The following TUSC3 variants were observed in gnomAD, a reference collection of about 807,000 sequenced individuals.
The protein encoded by TUSC3 is tumor suppressor candidate 3, also known as dolichyl-diphosphooligosaccharide--protein glycosyltransferase subunit TUSC3.
TUSC3 carries 45 observed loss-of-function variants against 44.8 expected under a neutral mutation model. The ratio of observed to expected loss-of-function variants is 1.00; its 90% CI spans 0.79 to 1.29. The LOEUF (loss-of-function observed/expected upper bound fraction) is 1.29, where lower values mean the gene tolerates loss of function less well. Ranked by LOEUF, TUSC3 falls within the 50% of genes most tolerant of loss-of-function variation. The pLI is 0.00. For synonymous variants in TUSC3, 212 were observed against 152.9 expected (o/e 1.39, Z -2.85); for missense variants, 519 against 437.9 (o/e 1.19, Z -1.65).
intron 1 of TUSC3, among the ~76,000 whole-genome samples, chr8:15,452,270 C>G (rs1344317638): frequency 1.3e-5 from 2 of 152,172 alleles, no homozygotes; most frequent in East Asian, 1.9e-4. Context: ...ACTTCCTCCT[C>G]TTTCTAAACC....
chr8:15,595,843 A>T (rs948955009), intron 1 of TUSC3, among the ~76,000 whole-genome samples: 1 of 152,220 alleles, frequency 6.6e-6, no homozygotes, highest in Non-Finnish European at 1.5e-5. Context: ...TTTTTGTCTT[A>T]CAAGTTGTAC....
chr8:15,521,267 C>G (rs555139540), intron 2 of TUSC3, among the ~76,000 whole-genome samples: 6 of 152,258 alleles, frequency 3.9e-5, no homozygotes, highest in African/African-American at 1.4e-4. Context: ...TGATCCTCGG[C>G]TGGGTAGCAT....
chr8:15,762,239 G>C (rs1253920531), intron 10 of TUSC3, among the ~76,000 whole-genome samples: 2 of 151,844 alleles, frequency 1.3e-5, no homozygotes, highest in African/African-American at 4.8e-5. Flanking sequence ...GAAAATGATA[G>C]TTTTGAAAAT....
intron 1 of TUSC3, among the ~76,000 whole-genome samples, chr8:15,547,612 T>C (rs773620132): frequency 7.9e-5 from 12 of 151,410 alleles, no homozygotes; most frequent in Non-Finnish European, 1.2e-4. Flanking sequence ...TGAATGTTTA[T>C]GTTCCCACAA....
rs185110404 is a variant in TUSC3 at position 15,619,085 on chromosome 8, C to G, written c.139-3995C>G. Among the ~76,000 whole-genome samples, 7 of 152,252 alleles carry G rather than the reference C, an allele frequency of 4.6e-5. No individual in the cohort carries two copies. In the East Asian group the frequency reaches 1.3e-3, roughly 29 times the overall value. ...AGAAATTATTAAAAGTAGTTTGATA[C>G]TTAAAATTCAAAGAAAAATCGTTTT... On this transcript the variant is annotated intron_variant, in intron 1 of 10. Transcript: ENST00000503731.
At chr8:15,448,117 A>ATATATATATATTTATT (rs1276079521) in intron 1 of TUSC3, among the ~76,000 whole-genome samples, 3 of 93,780 alleles carry the variant, frequency 3.2e-5, no homozygotes, top group African/African-American at 1.3e-4. Flanking sequence ...ACATATATAT[A>ATATATATATATTTATT]TATTTATTTA....
the TUSC3 span, among the ~76,000 whole-genome samples, chr8:15,809,153 G>A: frequency 6.2e-4 from 95 of 152,170 alleles, no homozygotes; most frequent in African/African-American, 2.2e-3. Flanking sequence ...TTATGTCAAC[G>A]GCAGGAGGAA....
At chr8:15,521,617 C>T (rs1360088558) in intron 2 of TUSC3, among the ~76,000 whole-genome samples, 1 of 151,876 alleles carries the variant, frequency 6.6e-6, no homozygotes. Context: ...TAATTACCCC[C>T]CCCAAAAAAA....
Position 15,491,429 on chromosome 8 carries a change from G to C in TUSC3, n.189+7946G>C, listed in dbSNP as rs371531659. ...TTTTCCCTTTGGCTTAGTGAGTTCAGGATCCCAATTTTTTTTTTTCCTTTC... is the reference window on the plus strand; with the variant it reads ...TTTTCCCTTTGGCTTAGTGAGTTCACGATCCCAATTTTTTTTTTTCCTTTC... On this transcript the variant is annotated intron_variant and non_coding_transcript_variant, in intron 2 of 5. Coordinates refer to the TUSC3 transcript ENST00000503191. 5.7e-4 allele frequency among the ~76,000 whole-genome samples: 86 copies of C among 152,164 alleles called. 1 individual carries two copies. In the South Asian group the frequency reaches 0.017, roughly 29 times the overall value.
intron 2 of TUSC3, among the ~76,000 whole-genome samples, chr8:15,508,957 A>G (rs988690795): frequency 6.6e-6 from 1 of 152,226 alleles, no homozygotes; most frequent in African/African-American, 2.4e-5. Flanking sequence ...AGAAAGTTAT[A>G]TAACTGTCTC....
chr8:15,719,404 A>G (rs989965465), intron 6 of TUSC3, among the ~76,000 whole-genome samples: 10 of 151,150 alleles, frequency 6.6e-5, no homozygotes, highest in South Asian at 4.2e-4. Context: ...TTAAATTGCA[A>G]CCTGCTCCCC....
At chr8:15,582,666 G>A (rs988544949) in intron 1 of TUSC3, among the ~76,000 whole-genome samples, 1 of 152,182 alleles carries the variant, frequency 6.6e-6, no homozygotes, top group Non-Finnish European at 1.5e-5. Context: ...CTGGTCACAT[G>A]ACATTGCTCT....
chr8:15,537,329 C>T (rs11783569), upstream of TUSC3, among the ~76,000 whole-genome samples: 31,121 of 152,060 alleles, frequency 0.2, 3,188 homozygotes, highest in Middle Eastern at 0.26. Context: ...CACTTTAAGT[C>T]GTCCTGCCTT....
chr8:15,756,153 CTCTAGCTCTGCAT>C (rs1461233993), intron 9 of TUSC3, among the ~76,000 whole-genome samples: 1 of 152,178 alleles, frequency 6.6e-6, no homozygotes, highest in East Asian at 1.9e-4. Context: ...TTAGCTAGAG[CTCTAGCTCTGCAT>C]TTAGACAAAT....
At chr8:15,812,269 C>G in the TUSC3 span, among the ~76,000 whole-genome samples, 13 of 152,158 alleles carry the variant, frequency 8.5e-5, no homozygotes, top group African/African-American at 3.1e-4. Context: ...TCAAAAGAAT[C>G]ACAAACAGAA....
intron 8 of TUSC3, among the ~76,000 whole-genome samples, chr8:15,748,114 G>C (rs1229560394): frequency 6.6e-6 from 1 of 152,022 alleles, no homozygotes; most frequent in East Asian, 1.9e-4. Context: ...AGAAGACTTA[G>C]ATCAGTCAAT....
intron 6 of TUSC3, among the ~76,000 whole-genome samples, chr8:15,674,609 G>T (rs1347748508): frequency 6.6e-6 from 1 of 151,170 alleles, no homozygotes; most frequent in Non-Finnish European, 1.5e-5. Context: ...CTTTCTTTCT[G>T]TCCACCTGCT....
the TUSC3 span, among the ~76,000 whole-genome samples, chr8:15,824,614 G>A: frequency 6.6e-6 from 1 of 151,992 alleles, no homozygotes; most frequent in Non-Finnish European, 1.5e-5. Context: ...GTTGTGGGGT[G>A]GGGGGAAGGG....
At chr8:15,837,227 TA>T in the TUSC3 span, among the ~76,000 whole-genome samples, 15 of 147,742 alleles carry the variant, frequency 1.0e-4, no homozygotes, top group South Asian at 4.5e-4. Flanking sequence ...TCTTTTTTTT[TA>T]AAAAATCACG....
Sources: gnomAD v4.1 joint callset for allele counts (sites outside exome capture counted in the v4.1 genomes callset) on GRCh38, gnomAD v4.1.1 for gene constraint, MANE v1.5 for transcripts, NCBI Gene and HGNC (gene_info 2026-07-23, HGNC 2026-07-21) for gene names.